Variants in ZC3HC1 observed in about 807,000 individuals in gnomAD.
ZC3HC1 encodes zinc finger C3HC-type containing 1.
Under a neutral mutation model 61.9 loss-of-function variants are expected in ZC3HC1, and 38 were observed. The observed-to-expected ratio is 0.61, with a 90% CI of 0.47 to 0.81. The LOEUF (loss-of-function observed/expected upper bound fraction) is 0.81. Ranked by LOEUF, ZC3HC1 falls within the 30% of genes least tolerant of loss-of-function variation. The probability of loss-of-function intolerance (pLI) is 0.00; values close to 1 mark genes in which losing one functional copy is unlikely to be tolerated. For synonymous variants in ZC3HC1, 213 were observed against 229.9 expected, an observed-to-expected ratio of 0.93 and a Z score of 0.67; for missense variants, 554 against 622.7, an observed-to-expected ratio of 0.89 and a Z score of 1.17.
intron 9 of ZC3HC1, among the ~76,000 whole-genome samples, chr7:130,021,741 G>C (rs1236836308): frequency 6.6e-6 from 1 of 152,120 alleles, no homozygotes; most frequent in South Asian, 2.1e-4. Context: ...TTCTGTTTCC[G>C]TACTCCTTTT....
At chr7:130,036,647 T>A (rs1234869876) in intron 4 of ZC3HC1, 2 of 152,202 alleles carry the variant, frequency 1.3e-5, no homozygotes, top group Non-Finnish European at 2.9e-5. Context: ...AGAAAAAAAT[T>A]ACCTTCAAAA....
rs752170812 is a variant in ZC3HC1, at chr7:130,026,242, T to C, written c.692A>G (p.Glu231Gly). 1 of 1,614,128 alleles carries C rather than the reference T, an allele frequency of 6.2e-7. No homozygotes were observed. Among genetic ancestry groups the C allele is most frequent in the Non-Finnish European group, 8.5e-7 (1 of 1,180,006 alleles). Reference sequence around the variant, plus strand: ...GCCTAATTTGATTGTAGTTTTTCTCTCATCAGTTCGGTGATCAAGTTCATC... The same window carrying C: ...GCCTAATTTGATTGTAGTTTTTCTCCCATCAGTTCGGTGATCAAGTTCATC... ...LEDELDHRTD[E>G]RKTTIKLGSD... Residue 231 changes from glutamate to glycine, a missense_variant, in exon 6 of 10, where the codon GAG (glutamate) becomes GGG (glycine). Glu to Gly is a moderately conservative substitution (Grantham distance 98). Coordinates refer to ENST00000358303, the MANE Select transcript of ZC3HC1 (RefSeq NM_016478.5).
At position 130,022,370 on chromosome 7, in the gene ZC3HC1, G is replaced by T. The variant is rs367932246; in HGVS notation, c.1389C>A (p.Thr463=). The T allele has an allele frequency of 2.5e-6, 4 of 1,614,086 alleles. No individual in the cohort carries two copies. The highest frequency in any genetic ancestry group is 2.2e-5 in the East Asian group (1 of 44,878). The change falls in exon 9 of 10, where the codon ACC becomes ACA. Residue 463 remains threonine (T), a synonymous_variant. Coordinates refer to ENST00000358303, the MANE Select transcript of ZC3HC1 (RefSeq NM_016478.5). ...PAEPGWKAVL[T]ILLAHKQSSQ... is the part of the protein sequence containing the mutation. ...TAGACTGTTTGTGCGCCAAGAGGATGGTCAGCACTGCTTTCCAGCCTGGCT... is the reference window on the plus strand; with the variant it reads ...TAGACTGTTTGTGCGCCAAGAGGATTGTCAGCACTGCTTTCCAGCCTGGCT...
intron 2 of ZC3HC1, among the ~76,000 whole-genome samples, chr7:130,042,635 C>A (rs1794723860): frequency 6.6e-6 from 1 of 152,044 alleles, no homozygotes; most frequent in Non-Finnish European, 1.5e-5. Context: ...GGAAAGGTAT[C>A]CTAAAACATT....
chr7:130,020,857 G>A (rs575437609), intron 9 of ZC3HC1, among the ~76,000 whole-genome samples: 2 of 152,030 alleles, frequency 1.3e-5, no homozygotes, highest in East Asian at 3.9e-4. Context: ...GTGAAAACTT[G>A]GAAAACCTTC....
At position 130,044,192 on chromosome 7, in the gene ZC3HC1, T is replaced by C. The variant is rs184162538; in HGVS notation, c.259-3091A>G. On this transcript the variant is annotated intron_variant, in intron 2 of 9. Transcript: ENST00000358303. ...CCCTGCACCCAGATCTTGGCATTCA[T>C]TCATGCATTTATATAGAGACAGGAT... is the stretch of plus-strand genomic sequence containing the variant. 5.2e-4 allele frequency among the ~76,000 whole-genome samples: 79 copies of C among 152,264 alleles called. 3 individuals carry two copies. Among genetic ancestry groups the C allele is most frequent in the Admixed American group, 4.4e-3 (67 of 15,276 alleles).
Position 130,023,638 on chromosome 7 carries a change from G to A in ZC3HC1, c.1106C>T (p.Ala369Val). ...SPVDRPEPEAASPTTRTRPVT... is the reference protein window; with the variant it reads ...SPVDRPEPEAVSPTTRTRPVT... The stretch of plus-strand genomic sequence containing the variant: ...TGGGCGAGTTCTGGTGGTGGGGCTA[G>A]CAGCCTCTGGCTCAGGACGGTCAAC... Residue 369 changes from alanine to valine, a missense_variant, in exon 8 of 10, where the codon GCT (alanine) becomes GTT (valine). Ala to Val is a moderately conservative substitution (Grantham distance 64). Transcript: ENST00000358303. The surrounding 1 kb of genome is among the most constrained non-coding windows in gnomAD (Gnocchi z 4.2). The A allele has an allele frequency of 6.2e-7, 1 of 1,614,162 alleles. No individual in the cohort carries two copies. The highest frequency in any genetic ancestry group is 8.5e-7 in the Non-Finnish European group (1 of 1,180,032).
chr7:130,035,925 G>A (rs1794414851), intron 4 of ZC3HC1, among the ~76,000 whole-genome samples: 1 of 152,134 alleles, frequency 6.6e-6, no homozygotes, highest in Non-Finnish European at 1.5e-5. Context: ...CTCCTCTTAT[G>A]GGGCATCCAG....
intron 1 of ZC3HC1, among the ~76,000 whole-genome samples, chr7:130,049,509 A>G (rs1439702242): frequency 6.6e-6 from 1 of 152,150 alleles, no homozygotes; most frequent in African/African-American, 2.4e-5. Context: ...TCAAGACTTC[A>G]AGTATGCATT....
At chr7:130,031,553 T>G (rs758126724) in intron 4 of ZC3HC1, among the ~76,000 whole-genome samples, 1 of 152,172 alleles carries the variant, frequency 6.6e-6, no homozygotes, top group Non-Finnish European at 1.5e-5. Flanking sequence ...GGCAACTGTT[T>G]AACATCACAG....
intron 7 of ZC3HC1, 73 bp downstream of exon 7, chr7:130,024,190 C>T (rs1025839754): frequency 2.6e-6 from 4 of 1,518,776 alleles, no homozygotes; most frequent in Non-Finnish European, 3.5e-6. Context: ...AAATTAATTT[C>T]CAACTTTCTA....
intron 5 of ZC3HC1, among the ~76,000 whole-genome samples, chr7:130,028,012 C>T (rs979547869): frequency 6.7e-6 from 1 of 150,374 alleles, no homozygotes; most frequent in Non-Finnish European, 1.5e-5. Flanking sequence ...ACTAAAATTA[C>T]AAAAATTAGC....
chr7:130,047,516 A>T (rs1190676032), intron 2 of ZC3HC1, among the ~76,000 whole-genome samples: 2 of 152,146 alleles, frequency 1.3e-5, no homozygotes, highest in Non-Finnish European at 2.9e-5. Context: ...TATAAGACAG[A>T]AATTCGGGGC....
chr7:130,046,847 G>A (rs561318664), intron 2 of ZC3HC1, among the ~76,000 whole-genome samples: 11 of 152,236 alleles, frequency 7.2e-5, no homozygotes, highest in Admixed American at 7.2e-4. Context: ...CAGTGCAGTG[G>A]CATGGTCTCG....
At position 130,049,052 on chromosome 7, in the gene ZC3HC1, C is replaced by A. The variant is rs1260535129; in HGVS notation, c.239G>T (p.Ser80Ile). The A allele has an allele frequency of 1.2e-6, 2 of 1,605,676 alleles. No individual in the cohort carries two copies. The highest frequency in any genetic ancestry group is 8.5e-7 in the Non-Finnish European group (1 of 1,176,654). ...GGATATAGAAAATGTTTCCACTCTG[C>A]TAAAGAAGGCTTCTTTGCTTGTAGA... The part of the protein sequence containing the change: ...LESTSKEAFF[S>I]RVETFSSLKW... The change falls in exon 2 of 10, where the codon AGC (serine) becomes ATC (isoleucine). Residue 80 changes from serine (S) to isoleucine (I), a missense_variant. By Grantham distance (142) the Ser-to-Ile change is moderately radical. Transcript: ENST00000358303.
intron 4 of ZC3HC1, among the ~76,000 whole-genome samples, chr7:130,037,400 A>T (rs180676291): frequency 6.6e-6 from 1 of 152,102 alleles, no homozygotes; most frequent in African/African-American, 2.4e-5. Flanking sequence ...GCCTAGACTG[A>T]GCCATTGCAG....
At chr7:130,042,073 C>G (rs761434896) in intron 2 of ZC3HC1, among the ~76,000 whole-genome samples, 1 of 152,024 alleles carries the variant, frequency 6.6e-6, no homozygotes, top group East Asian at 1.9e-4. Flanking sequence ...GAGGCTGAAG[C>G]GGGAGGATCA....
intron 4 of ZC3HC1, among the ~76,000 whole-genome samples, chr7:130,029,481 C>T (rs926479617): frequency 2.0e-5 from 3 of 152,076 alleles, no homozygotes; most frequent in Admixed American, 2.0e-4. Context: ...TATTGTTTTT[C>T]ATTTTGATGG....
chr7:130,037,830 A>G (rs927219067), intron 4 of ZC3HC1, among the ~76,000 whole-genome samples: 7 of 152,360 alleles, frequency 4.6e-5, no homozygotes, highest in Non-Finnish European at 1.0e-4. Context: ...AAATATACAG[A>G]TGAATAGTGT....
Sources: allele counts gnomAD v4.1 joint callset (sites outside exome capture counted in the v4.1 genomes callset), GRCh38; gene constraint gnomAD v4.1.1; non-coding constraint Gnocchi (gnomAD v3.1); transcripts MANE v1.5; gene names NCBI Gene and HGNC (gene_info 2026-07-23, HGNC 2026-07-21).